Variants in GLI2 observed in about 807,000 individuals in gnomAD.
GLI2 encodes the protein GLI family zinc finger 2, also known as transcription activator GLI2.
Under a neutral mutation model 78.9 loss-of-function variants are expected in GLI2, and 22 were observed. The ratio of observed to expected loss-of-function variants is 0.28; its 90% CI spans 0.20 to 0.40. The LOEUF is 0.40. Among genes scored for constraint, GLI2 ranks in the 10% least tolerant of loss-of-function variants. The pLI, the probability that GLI2 is intolerant of heterozygous loss-of-function variation, is 1.00. For missense variants in GLI2, 2,097 were observed against 2,213.2 expected, an observed-to-expected ratio of 0.95 and a Z score of 1.05; for synonymous variants, 974 against 963.7, an observed-to-expected ratio of 1.01 and a Z score of -0.20.
intron 3 of GLI2, among the ~76,000 whole-genome samples, chr2:120,938,701 C>T (rs1573635764): frequency 1.3e-5 from 2 of 152,288 alleles, no homozygotes; most frequent in East Asian, 1.9e-4. Context: ...GTGTTTGCTG[C>T]AGACGGGGCT....
At chr2:120,983,281 G>A (rs1328810084) in intron 11 of GLI2, among the ~76,000 whole-genome samples, 1 of 152,094 alleles carries the variant, frequency 6.6e-6, no homozygotes. Flanking sequence ...GGGGCTGCTG[G>A]GTGGGCTCTG....
At chr2:120,880,103 A>G (rs1677047236) in intron 2 of GLI2, among the ~76,000 whole-genome samples, 1 of 152,104 alleles carries the variant, frequency 6.6e-6, no homozygotes, top group South Asian at 2.1e-4. Context: ...TGACTTCCCA[A>G]CCTTCATCCT....
intron 9 of GLI2, 134 bp downstream of exon 9, chr2:120,975,243 C>G (rs1253832479): frequency 1.3e-6 from 1 of 769,986 alleles, no homozygotes; most frequent in African/African-American, 1.7e-5. Context: ...GGCCACATCC[C>G]CTGCAAGTGG....
At chr2:120,754,242 AG>A (rs35893499) in intron 1 of GLI2, among the ~76,000 whole-genome samples, 1 of 152,234 alleles carries the variant, frequency 6.6e-6, no homozygotes, top group Non-Finnish European at 1.5e-5. Context: ...CCACATCAAC[AG>A]GGAGTGTTAT....
At chr2:120,738,667 A>G (rs1682439363) in intron 1 of GLI2, among the ~76,000 whole-genome samples, 1 of 152,172 alleles carries the variant, frequency 6.6e-6, no homozygotes, top group African/African-American at 2.4e-5. Context: ...CTTGGAGAGA[A>G]TTAGAATTAT....
intron 1 of GLI2, among the ~76,000 whole-genome samples, chr2:120,795,254 G>A (rs1029161775): frequency 2.6e-5 from 4 of 151,502 alleles, no homozygotes; most frequent in Non-Finnish European, 5.9e-5. Flanking sequence ...GGGCTCGTTG[G>A]CTCACGCCTG....
At chr2:120,740,550 G>C (rs1314581218) in intron 1 of GLI2, among the ~76,000 whole-genome samples, 1 of 152,144 alleles carries the variant, frequency 6.6e-6, no homozygotes, top group East Asian at 1.9e-4. Context: ...TGAATGAAGA[G>C]TTCAGCAAAG....
At chr2:120,789,155 C>T (rs1006611005) in intron 1 of GLI2, among the ~76,000 whole-genome samples, 2 of 151,764 alleles carry the variant, frequency 1.3e-5, no homozygotes, top group Admixed American at 1.3e-4. Context: ...CCTCAGCCTC[C>T]TCAGTAGCTG....
chr2:120,834,833 T>G (rs1478474914), intron 2 of GLI2, among the ~76,000 whole-genome samples: 6 of 149,152 alleles, frequency 4.0e-5, no homozygotes, highest in Non-Finnish European at 8.8e-5. Context: ...GATCCTGGTG[T>G]TGTTCTGGTT....
intron 1 of GLI2, among the ~76,000 whole-genome samples, chr2:120,785,797 G>T (rs1007910942): frequency 1.3e-5 from 2 of 152,186 alleles, no homozygotes; most frequent in African/African-American, 4.8e-5. Flanking sequence ...CTCCCTGGGG[G>T]TCCAGCCTGC....
Position 120,970,447 on chromosome 2 carries a change from G to C in GLI2, c.900G>C (p.Leu300=), listed in dbSNP as rs745691710. Residue 300 remains leucine, a synonymous_variant, in exon 7 of 14, where the codon CTG becomes CTC. Transcript: ENST00000361492. ...PINPVAYQQI[L]SQQRGLGSAF... is the part of the protein sequence containing the mutation. Reference sequence around the variant, plus strand: ...ACCCCGTGGCCTACCAGCAGATTCTGAGCCAGCAGAGGGGTCTGGGGTCAG... The same window carrying C: ...ACCCCGTGGCCTACCAGCAGATTCTCAGCCAGCAGAGGGGTCTGGGGTCAG... The C allele has an allele frequency of 2.5e-6, 4 of 1,613,584 alleles. No individual in the cohort carries two copies. The highest frequency in any genetic ancestry group is 3.4e-6 in the Non-Finnish European group (4 of 1,179,894).
chr2:120,884,480 G>A (rs1056876800), intron 2 of GLI2, among the ~76,000 whole-genome samples: 1 of 152,314 alleles, frequency 6.6e-6, no homozygotes, highest in East Asian at 1.9e-4. Context: ...ACATTGCCCA[G>A]CATTGAGCCG....
chr2:120,746,583 C>G (rs1464540470), intron 1 of GLI2, among the ~76,000 whole-genome samples: 1 of 152,160 alleles, frequency 6.6e-6, no homozygotes. Context: ...GAAGATCTAT[C>G]TCTTTGCTGG....
At chr2:120,915,165 A>C (rs2104826768) in intron 2 of GLI2, among the ~76,000 whole-genome samples, 1 of 152,258 alleles carries the variant, frequency 6.6e-6, no homozygotes, top group South Asian at 2.1e-4. Flanking sequence ...GCCCCAGCCC[A>C]GCACACTCTC....
chr2:120,900,101 A>G (rs1211987589), intron 2 of GLI2, among the ~76,000 whole-genome samples: 3 of 152,226 alleles, frequency 2.0e-5, no homozygotes, highest in Non-Finnish European at 4.4e-5. Context: ...GAGGCAGGCA[A>G]GGCAGAAGAG....
rs115371615 is a variant in GLI2 at position 120,754,275 on chromosome 2, A to G, written c.-31+17990A>G. On this transcript the variant is annotated intron_variant, in intron 1 of 13. Coordinates refer to ENST00000361492, the MANE Select transcript of GLI2 (RefSeq NM_001374353.1). ...TTATCAAACTTGTCGATCCTTGCCA[A>G]TCTGATAGTTGGAAGAGAAACTATG... 2.9e-3 allele frequency among the ~76,000 whole-genome samples: 447 copies of G among 152,298 alleles called. 3 individuals carry two copies. The highest frequency in any genetic ancestry group is 0.01 in the African/African-American group (425 of 41,576).
intron 1 of GLI2, among the ~76,000 whole-genome samples, chr2:120,795,141 G>A (rs1010181130): frequency 6.6e-6 from 1 of 152,342 alleles, no homozygotes; most frequent in Non-Finnish European, 1.5e-5. Flanking sequence ...AGGATCCCTT[G>A]AGCCCAGGAG....
chr2:120,917,141 G>A (rs892037144), intron 2 of GLI2, among the ~76,000 whole-genome samples: 2 of 152,186 alleles, frequency 1.3e-5, no homozygotes, highest in African/African-American at 4.8e-5. Context: ...TGGCCTTCTG[G>A]GGTTCATCAC....
At chr2:120,963,732 C>T (rs572298644) in intron 5 of GLI2, among the ~76,000 whole-genome samples, 1 of 152,370 alleles carries the variant, frequency 6.6e-6, no homozygotes, top group East Asian at 1.9e-4. Context: ...TGGGCATAGG[C>T]CCTGTGGCAG....
Sources: gnomAD v4.1 joint callset for allele counts (sites outside exome capture counted in the v4.1 genomes callset) on GRCh38, gnomAD v4.1.1 for gene constraint, MANE v1.5 for transcripts, NCBI Gene and HGNC (gene_info 2026-07-23, HGNC 2026-07-21) for gene names.